The following TANC1 variants were observed in gnomAD, a reference collection of about 807,000 sequenced individuals.
The protein encoded by TANC1 is protein TANC1.
In TANC1, 77 loss-of-function variants were observed where a neutral mutation model predicts 149.7. The observed-to-expected ratio is 0.51, with a 90% CI of 0.43 to 0.62. The LOEUF is 0.62. Among genes scored for constraint, TANC1 ranks in the 20% least tolerant of loss-of-function variants. TANC1 has a pLI of 0.00. For synonymous variants in TANC1, 854 were observed against 925.0 expected (o/e 0.92, Z 1.39); for missense variants, 1,985 against 2,321.8 (o/e 0.85, Z 2.98).
chr2:159,013,732 G>A (rs1485957509), intron 2 of TANC1, among the ~76,000 whole-genome samples: 1 of 152,134 alleles, frequency 6.6e-6, no homozygotes, highest in African/African-American at 2.4e-5. Flanking sequence ...TGTTGTCTGA[G>A]GTCACATAAT....
Position 159,225,825 on chromosome 2 carries a change from C to G in TANC1, c.3903+46C>G, listed in dbSNP as rs773608594. On this transcript the variant is annotated intron_variant, in intron 24 of 26. Transcript: ENST00000263635. ...CTTTGCCATTGAAACTGCCTGGGAG[C>G]ACCCTCTTAATTGGGTACATAATGG... The G allele has an allele frequency of 3.6e-6, 5 of 1,403,118 alleles. No homozygotes were observed. In the Admixed American group the frequency reaches 7.1e-5, roughly 20 times the overall value. The allele number at this position is 1,403,118 out of a possible 1,614,324, so 86.9% of individuals were successfully genotyped here. A position where few individuals can be genotyped will look rare whatever the true frequency, so the allele number is the denominator to read the frequency against.
intron 5 of TANC1, 31 bp from the exon 6 acceptor site, chr2:159,149,111 G>A (rs1254364656): frequency 2.6e-6 from 4 of 1,549,316 alleles, no homozygotes; most frequent in East Asian, 4.5e-5. Context: ...CCCCAGAGGG[G>A]CATCTTCATT....
intron 3 of TANC1, among the ~76,000 whole-genome samples, chr2:159,091,982 ATG>A (rs1391876751): frequency 2.1e-5 from 3 of 145,740 alleles, no homozygotes; most frequent in Non-Finnish European, 4.6e-5. Context: ...GTGTGTGTGT[ATG>A]TATGTAGAGT....
rs1028144738 is a variant in TANC1, at chr2:159,230,312, G to A, written c.4886G>A (p.Arg1629Lys). 3 of 1,614,058 alleles carry A rather than the reference G, an allele frequency of 1.9e-6. No homozygotes were observed. The highest frequency in any genetic ancestry group is 2.7e-5 in the African/African-American group (2 of 74,936). Residue 1629 changes from arginine to lysine, a missense_variant, in exon 27 of 27, where the codon AGG (arginine) becomes AAG (lysine). By Grantham distance (26) the Arg-to-Lys change is conservative. This residue lies in a region of TANC1 where 920 missense variants were observed against 994.7 expected (regional missense o/e 0.92). Transcript: ENST00000263635. The surrounding 1 kb of genome is among the most constrained non-coding windows in gnomAD (Gnocchi z 4.4). Reference protein sequence around the residue: ...PLPSKTKTTERLLSHSSVAVD... With the variant: ...PLPSKTKTTEKLLSHSSVAVD... ...CCAAGTAAGACGAAAACCACAGAGA[G>A]GCTTCTGTCTCATTCCTCCGTGGCT...
intron 2 of TANC1, among the ~76,000 whole-genome samples, chr2:159,005,032 A>G (rs1464077634): frequency 6.6e-6 from 1 of 152,260 alleles, no homozygotes; most frequent in Non-Finnish European, 1.5e-5. Context: ...AGTTATCTGC[A>G]GCAGGAACAT....
intron 2 of TANC1, among the ~76,000 whole-genome samples, chr2:159,044,708 C>CT (rs1212299994): frequency 2.0e-5 from 3 of 152,074 alleles, no homozygotes; most frequent in Non-Finnish European, 2.9e-5. Context: ...AAATGGCTGA[C>CT]TGGGGGCATT....
intron 16 of TANC1, among the ~76,000 whole-genome samples, chr2:159,192,892 C>T (rs927602094): frequency 6.6e-6 from 1 of 152,186 alleles, no homozygotes; most frequent in South Asian, 2.1e-4. Context: ...GCAGGTGATC[C>T]GCCCGCCTCA....
Position 159,170,542 on chromosome 2 carries a change from A to C in TANC1, c.1088A>C (p.Lys363Thr). The change falls in exon 10 of 27, where the codon AAG becomes ACG. Residue 363 changes from lysine (K) to threonine (T), a missense_variant. Lys to Thr is a moderately conservative substitution (Grantham distance 78, BLOSUM62 -1). Transcript: ENST00000263635. ...QEVKARFAPY[K>T]PQDILLKPLL... Reference sequence around the variant, plus strand: ...TTTGAAGCACGATTTGCTCCCTACAAGCCACAAGACATTTTGTTGAAACCC... The same window carrying C: ...TTTGAAGCACGATTTGCTCCCTACACGCCACAAGACATTTTGTTGAAACCC... 6.2e-7 allele frequency: 1 copy of C among 1,610,772 alleles called. No individual in the cohort carries two copies. Among genetic ancestry groups the C allele is most frequent in the Non-Finnish European group, 8.5e-7 (1 of 1,177,124 alleles).
chr2:159,041,346 G>A (rs548632512), intron 2 of TANC1, among the ~76,000 whole-genome samples: 1 of 152,338 alleles, frequency 6.6e-6, no homozygotes, highest in South Asian at 2.1e-4. Context: ...TAAGTCTGCA[G>A]AAGTTTCTGC....
intron 2 of TANC1, among the ~76,000 whole-genome samples, chr2:159,009,340 A>T (rs924165863): frequency 6.6e-6 from 1 of 152,192 alleles, no homozygotes; most frequent in African/African-American, 2.4e-5. Flanking sequence ...TGTTCGCAGT[A>T]GTCAAGATAT....
At chr2:159,202,484 C>T (rs2150767057) in intron 19 of TANC1, among the ~76,000 whole-genome samples, 1 of 152,248 alleles carries the variant, frequency 6.6e-6, no homozygotes, top group South Asian at 2.1e-4. Context: ...CACCAGCATC[C>T]AGGACCATTT....
intron 4 of TANC1, 91 bp downstream of exon 4, chr2:159,097,925 GA>G: frequency 8.8e-7 from 1 of 1,131,410 alleles, no homozygotes; most frequent in Non-Finnish European, 1.3e-6. Context: ...AATCTTCTGG[GA>G]CAATGTTTTT....
At chr2:159,029,770 A>T (rs935541709) in intron 2 of TANC1, among the ~76,000 whole-genome samples, 16 of 152,130 alleles carry the variant, frequency 1.1e-4, no homozygotes, top group African/African-American at 3.9e-4. Flanking sequence ...TGTGTTGCCC[A>T]GGCTAGTTTT....
intron 19 of TANC1, among the ~76,000 whole-genome samples, chr2:159,214,265 T>G (rs1486814462): frequency 6.6e-6 from 1 of 152,194 alleles, no homozygotes; most frequent in Non-Finnish European, 1.5e-5. Context: ...TGCGGAAACT[T>G]TGGCCTCTTC....
At chr2:159,117,550 C>A (rs2048391310) in intron 4 of TANC1, among the ~76,000 whole-genome samples, 1 of 152,034 alleles carries the variant, frequency 6.6e-6, no homozygotes, top group African/African-American at 2.4e-5. Flanking sequence ...TGCCCGCCAC[C>A]ACGCCCGGCT....
At chr2:159,014,015 G>C (rs1022508145) in intron 2 of TANC1, among the ~76,000 whole-genome samples, 10 of 152,120 alleles carry the variant, frequency 6.6e-5, no homozygotes, top group Non-Finnish European at 8.8e-5. Context: ...AAAGACACCA[G>C]TTAAATTGGA....
chr2:159,207,720 A>AAAAC (rs1407978620), intron 19 of TANC1, among the ~76,000 whole-genome samples: 10 of 148,534 alleles, frequency 6.7e-5, no homozygotes, highest in African/African-American at 2.5e-4. Context: ...AAAAAAAAAA[A>AAAAC]AAAAAAACAA....
rs111316651 is a variant in TANC1, at chr2:159,103,940, C to A, written c.259+6106C>A. 5.7e-4 allele frequency among the ~76,000 whole-genome samples: 55 copies of A among 96,026 alleles called. 14 individuals are homozygous for A. Among genetic ancestry groups the A allele is most frequent in the African/African-American group, 1.5e-3 (52 of 34,764 alleles). 63.0% of individuals were successfully genotyped at this position (96,026 alleles called of 152,430 possible). A position where few individuals can be genotyped will look rare whatever the true frequency, so the allele number is the denominator to read the frequency against. On this transcript the variant is annotated intron_variant, in intron 4 of 26. Coordinates refer to ENST00000263635, the MANE Select transcript of TANC1 (RefSeq NM_033394.3). ...ATAGAAGGTGTGGGCAGGAGGAGGG[C>A]ATGGGCTTAAAGCCTCACATGGATC...
At chr2:159,154,578 G>C (rs189376789) in intron 7 of TANC1, among the ~76,000 whole-genome samples, 34 of 152,278 alleles carry the variant, frequency 2.2e-4, no homozygotes, top group Admixed American at 5.9e-4. Context: ...TGTTTCAACT[G>C]TATTATGTTA....
Sources: allele counts gnomAD v4.1 joint callset (sites outside exome capture counted in the v4.1 genomes callset), GRCh38; gene constraint gnomAD v4.1.1; regional missense constraint gnomAD v4.1.1; non-coding constraint Gnocchi (gnomAD v3.1); transcripts MANE v1.5; gene names NCBI Gene and HGNC (gene_info 2026-07-23, HGNC 2026-07-21).